The following DIS3L2 variants were observed in gnomAD, a reference collection of about 807,000 sequenced individuals.
DIS3L2 encodes the protein DIS3 like 3'-5' exoribonuclease 2.
In DIS3L2, 34 loss-of-function variants were observed where a neutral mutation model predicts 97.5. The observed-to-expected ratio is 0.35, with a 90% CI of 0.27 to 0.46. The LOEUF (loss-of-function observed/expected upper bound fraction) is 0.46, where lower values mean the gene tolerates loss of function less well. Among genes scored for constraint, DIS3L2 ranks in the 20% least tolerant of loss-of-function variants. DIS3L2 has a pLI of 1.00. For missense variants in DIS3L2, 1,038 were observed against 1,146.0 expected, an observed-to-expected ratio of 0.91 and a Z score of 1.36; for synonymous variants, 435 against 445.2, an observed-to-expected ratio of 0.98 and a Z score of 0.29.
intron 12 of DIS3L2, among the ~76,000 whole-genome samples, chr2:232,252,495 GT>G (rs1418066701): frequency 2.0e-5 from 3 of 152,216 alleles, no homozygotes; most frequent in Non-Finnish European, 4.4e-5. Context: ...AGAATCAGTT[GT>G]TTTGGTTGAT....
chr2:232,227,257 G>A (rs552497288), intron 10 of DIS3L2, among the ~76,000 whole-genome samples: 1 of 152,274 alleles, frequency 6.6e-6, no homozygotes, highest in South Asian at 2.1e-4. Context: ...TAGTCTACAG[G>A]TGTTGAAAAA....
intron 5 of DIS3L2, among the ~76,000 whole-genome samples, chr2:232,051,010 G>T (rs1435007479): frequency 6.6e-6 from 1 of 152,218 alleles, no homozygotes; most frequent in Non-Finnish European, 1.5e-5. Flanking sequence ...TAAGGGGAGA[G>T]GAGAATATTT....
At chr2:232,001,486 A>G (rs533090368) in intron 1 of DIS3L2, among the ~76,000 whole-genome samples, 12 of 143,772 alleles carry the variant, frequency 8.3e-5, no homozygotes, top group Non-Finnish European at 1.6e-4. Flanking sequence ...ATATTCTCTC[A>G]TTCATTGTCT....
chr2:232,038,047 C>T (rs1457901510), intron 5 of DIS3L2, among the ~76,000 whole-genome samples: 2 of 152,214 alleles, frequency 1.3e-5, no homozygotes, highest in African/African-American at 2.4e-5. Context: ...TTCAGATCCA[C>T]CTCCCAGCTT....
At position 232,270,860 on chromosome 2, in the gene DIS3L2, GTCTCTCTCTCTCTCTCTCTCTCTC is replaced by G. The variant is rs71056262; in HGVS notation, c.1659+7452_1659+7475del. Among the ~76,000 whole-genome samples the G allele has an allele frequency of 1.6e-3, 169 of 103,876 alleles. 3 individuals carry two copies. The highest frequency in any genetic ancestry group is 5.1e-3 in the African/African-American group (142 of 27,674). 68.1% of individuals were successfully genotyped at this position (103,876 alleles called of 152,430 possible). ...CGCACTCGCGCGCTCTCTTTTTCTC[GTCTCTCTCTCTCTCTCTCTCTCTC>G]TCTCTCTCTCTCTCTCTCTCTCTCT... On this transcript the variant is annotated intron_variant, in intron 13 of 20. Coordinates refer to ENST00000325385, the MANE Select transcript of DIS3L2 (RefSeq NM_152383.5).
chr2:232,141,706 G>C (rs1690051992), intron 8 of DIS3L2, among the ~76,000 whole-genome samples: 1 of 152,174 alleles, frequency 6.6e-6, no homozygotes, highest in Non-Finnish European at 1.5e-5. Flanking sequence ...GGTAGAGATG[G>C]GAAGTAGGGG....
Position 232,014,944 on chromosome 2 carries a change from A to G in DIS3L2, c.17A>G (p.Tyr6Cys), listed in dbSNP as rs1694312412. Reference protein sequence around the residue: MSHPDYRMNLRPLGTP... With the variant: MSHPDCRMNLRPLGTP... ...GAGCCAATAATGAGCCATCCTGACT[A>G]CAGAATGAACCTCCGGCCCCTGGGG... The change falls in exon 2 of 21, where the codon TAC becomes TGC. Residue 6 changes from tyrosine to cysteine, a missense_variant. Around this residue, in one of 3 missense-constraint regions of DIS3L2, gnomAD observed 813 missense variants for 880.1 expected, o/e 0.92. Coordinates refer to ENST00000325385, the MANE Select transcript of DIS3L2 (RefSeq NM_152383.5). 6.2e-7 allele frequency: 1 copy of G among 1,614,048 alleles called. No homozygotes were observed. Among genetic ancestry groups the G allele is most frequent in the Non-Finnish European group, 8.5e-7 (1 of 1,179,956 alleles).
Position 232,136,643 on chromosome 2 carries a change from C to T in DIS3L2, c.874C>T (p.Arg292Trp), listed in dbSNP as rs182004457. 23 of 1,613,668 alleles carry T rather than the reference C, an allele frequency of 1.4e-5. No individual in the cohort carries two copies. Among genetic ancestry groups the T allele is most frequent in the South Asian group, 8.8e-5 (8 of 91,068 alleles). Residue 292 changes from arginine to tryptophan, a missense_variant, in exon 8 of 21, where the codon CGG becomes TGG. Coordinates refer to ENST00000325385, the MANE Select transcript of DIS3L2 (RefSeq NM_152383.5). Reference sequence around the variant, plus strand: ...GGACTGTCCCCAGGACTTTGTGGCACGGCCTAAAGATTATGCCAACACACT... The same window carrying T: ...GGACTGTCCCCAGGACTTTGTGGCATGGCCTAAAGATTATGCCAACACACT... Reference protein sequence around the residue: ...LKDCPQDFVARPKDYANTLFI... With the variant: ...LKDCPQDFVAWPKDYANTLFI...
At chr2:232,011,966 T>C (rs1694212868) in intron 1 of DIS3L2, among the ~76,000 whole-genome samples, 1 of 152,248 alleles carries the variant, frequency 6.6e-6, no homozygotes, top group Admixed American at 6.5e-5. Flanking sequence ...TTGTTCATTT[T>C]CTACTTAGCA....
chr2:232,324,473 T>A (rs7583662), intron 14 of DIS3L2, among the ~76,000 whole-genome samples: 64,062 of 151,304 alleles, frequency 0.42, 17,550 homozygotes, highest in African/African-American at 0.78. Context: ...GAAAATGGAC[T>A]AATTTTCAGC....
Position 232,276,620 on chromosome 2 carries a change from G to A in DIS3L2, c.1659+13180G>A, listed in dbSNP as rs577849738. On this transcript the variant is annotated intron_variant, in intron 13 of 20. Coordinates refer to ENST00000325385, the MANE Select transcript of DIS3L2 (RefSeq NM_152383.5). This position sits in a 1 kb window ranked among gnomAD's most constrained non-coding sequence, Gnocchi z 4.4. The stretch of plus-strand genomic sequence containing the variant: ...CCAGGCCCCAACTCTCAGCTCTCCT[G>A]TTGCTACCAGCTTCCAGTCAATGAC... Among the ~76,000 whole-genome samples the A allele has an allele frequency of 1.1e-3, 163 of 152,286 alleles. No individual in the cohort carries two copies. Among genetic ancestry groups the A allele is most frequent in the African/African-American group, 3.9e-3 (161 of 41,550 alleles).
At chr2:232,273,111 A>AAT (rs2106292119) in intron 13 of DIS3L2, among the ~76,000 whole-genome samples, 1 of 152,144 alleles carries the variant, frequency 6.6e-6, no homozygotes, top group South Asian at 2.1e-4. Context: ...TGAAACTCCA[A>AAT]ATCCTGCTGC....
chr2:232,027,377 C>T (rs918114433), intron 4 of DIS3L2, among the ~76,000 whole-genome samples: 4 of 152,088 alleles, frequency 2.6e-5, no homozygotes, highest in South Asian at 2.1e-4. Flanking sequence ...TAATTGTTAC[C>T]GGCTTAAGCT....
intron 14 of DIS3L2, among the ~76,000 whole-genome samples, chr2:232,308,941 C>T (rs1363487200): frequency 6.6e-6 from 1 of 152,128 alleles, no homozygotes; most frequent in Non-Finnish European, 1.5e-5. Context: ...GGTGCTCTGA[C>T]AAGTGGACCC....
chr2:232,158,349 G>A (rs984065010), intron 8 of DIS3L2, among the ~76,000 whole-genome samples: 10 of 151,150 alleles, frequency 6.6e-5, no homozygotes, highest in African/African-American at 2.4e-4. Context: ...GTGTGTGTTC[G>A]GGTTCTCTGA....
intron 9 of DIS3L2, among the ~76,000 whole-genome samples, chr2:232,205,211 CATATAT>C (rs57163508): frequency 0.023 from 3,269 of 140,552 alleles, 92 homozygotes; most frequent in East Asian, 0.064. Context: ...AGGCAGTTTA[CATATAT>C]ATATATATAT....
intron 13 of DIS3L2, among the ~76,000 whole-genome samples, chr2:232,295,543 C>T (rs1041818553): frequency 1.3e-5 from 2 of 152,162 alleles, no homozygotes; most frequent in Non-Finnish European, 2.9e-5. Context: ...TCCATAGTGC[C>T]TTCTTCCTGT....
At chr2:231,991,641 A>G (rs60692165) in intron 1 of DIS3L2, among the ~76,000 whole-genome samples, 2,055 of 152,274 alleles carry the variant, frequency 0.013, 48 homozygotes, top group African/African-American at 0.046. Flanking sequence ...AGGGTATATC[A>G]TATTATTTGC....
chr2:232,255,261 T>C (rs753946117), intron 12 of DIS3L2, among the ~76,000 whole-genome samples: 2 of 152,110 alleles, frequency 1.3e-5, no homozygotes, highest in African/African-American at 2.4e-5. Context: ...CTGAGGCTGG[T>C]TTTGCATGCA....
Sources: gnomAD v4.1 joint callset for allele counts (sites outside exome capture counted in the v4.1 genomes callset) on GRCh38, gnomAD v4.1.1 for gene constraint, gnomAD v4.1.1 regional missense constraint, Gnocchi (gnomAD v3.1) non-coding constraint, MANE v1.5 for transcripts, NCBI Gene and HGNC (gene_info 2026-07-23, HGNC 2026-07-21) for gene names.